Variants in PARS2 observed in about 807,000 individuals in gnomAD.
The protein encoded by PARS2 is prolyl-tRNA synthetase 2, mitochondrial.
A neutral mutation model predicts 27.4 loss-of-function variants in PARS2; 20 were observed. That is an observed-to-expected ratio of 0.73 (90% CI 0.51 to 1.06). The LOEUF is 1.06. Ranked by LOEUF, PARS2 falls within the 50% of genes least tolerant of loss-of-function variation. The probability of loss-of-function intolerance (pLI) is 0.00; values close to 1 mark genes in which losing one functional copy is unlikely to be tolerated. For synonymous variants in PARS2, 240 were observed against 247.1 expected (o/e 0.97, Z 0.27); for missense variants, 585 against 602.1 (o/e 0.97, Z 0.30).
rs755481572 is a variant in PARS2 at position 54,757,595 on chromosome 1, T to C, written c.*139A>G. On this transcript the variant is annotated 3_prime_UTR_variant, in exon 2 of 2. Coordinates refer to ENST00000371279, the MANE Select transcript of PARS2 (RefSeq NM_152268.4). ...ATCTGAACAAATGACTAGATAAAAA[T>C]TGATTTCCCTAACATGATCTCACCC... The C allele has an allele frequency of 5.1e-6, 3 of 593,120 alleles. No homozygotes were observed. Among genetic ancestry groups the C allele is most frequent in the African/African-American group, 1.9e-5 (1 of 53,762 alleles). 36.7% of individuals were successfully genotyped at this position (593,120 alleles called of 1,614,324 possible). A position where few individuals can be genotyped will look rare whatever the true frequency, so the allele number is the denominator to read the frequency against.
intron 1 of PARS2, among the ~76,000 whole-genome samples, chr1:54,764,154 C>T (rs1646172652): frequency 6.6e-6 from 1 of 152,214 alleles, no homozygotes; most frequent in Admixed American, 6.5e-5. Context: ...CAACATAAAA[C>T]GGGAAGGCTG....
chr1:54,757,522 T>C lies in PARS2; in HGVS notation c.*212A>G, dbSNP rs1422800559. 9.6e-6 allele frequency: 5 copies of C among 521,236 alleles called. No individual in the cohort carries two copies. Among genetic ancestry groups the C allele is most frequent in the Non-Finnish European group, 1.7e-5 (5 of 295,154 alleles). 32.3% of individuals were successfully genotyped at this position (521,236 alleles called of 1,614,324 possible). A position where few individuals can be genotyped will look rare whatever the true frequency, so the allele number is the denominator to read the frequency against. ...ACAAAAGGAAAGGTATATGGCGGCA[T>C]GGCCAGTCTGGAGAAAGGGATCAAG... On this transcript the variant is annotated 3_prime_UTR_variant, in exon 2 of 2. Transcript: ENST00000371279.
rs1402968657 is a variant in PARS2, at chr1:54,758,273, C to T, written c.889G>A (p.Gly297Ser). The T allele has an allele frequency of 6.2e-7, 1 of 1,614,162 alleles. No individual in the cohort carries two copies. Among genetic ancestry groups the T allele is most frequent in the Non-Finnish European group, 8.5e-7 (1 of 1,180,044 alleles). Residue 297 changes from glycine (G) to serine (S), a missense_variant, in exon 2 of 2, where the codon GGC becomes AGC. Gly to Ser is a moderately conservative substitution (Grantham distance 56). Coordinates refer to ENST00000371279, the MANE Select transcript of PARS2 (RefSeq NM_152268.4). Reference sequence around the variant, plus strand: ...ATGCCTTTGGTTTTAGTCAATGGGCCCTGGCAAGCAGGGCAGTTCATTTGT... The same window carrying T: ...ATGCCTTTGGTTTTAGTCAATGGGCTCTGGCAAGCAGGGCAGTTCATTTGT... ...LSQMNCPACQ[G>S]PLTKTKGIEV... is the part of the protein sequence containing the mutation.
chr1:54,761,727 C>A (rs1341586845), intron 1 of PARS2, among the ~76,000 whole-genome samples: 1 of 152,186 alleles, frequency 6.6e-6, no homozygotes, highest in Non-Finnish European at 1.5e-5. Context: ...CAGCTGGTTA[C>A]CTCTAGCAGC....
rs754963725 is a variant in PARS2 at position 54,758,817 on chromosome 1, C to T, written c.345G>A (p.Gln115=). 1.2e-5 allele frequency: 20 copies of T among 1,614,070 alleles called. No individual in the cohort carries two copies. Among genetic ancestry groups the T allele is most frequent in the Non-Finnish European group, 1.7e-5 (20 of 1,180,014 alleles). The part of the protein sequence containing the change: ...IDQEMQAIGG[Q]KVNMPSLSPA... Reference sequence around the variant, plus strand: ...GGCTGAGGCTGGGCATGTTGACTTTCTGGCCCCCGATGGCCTGCATCTCCT... The same window carrying T: ...GGCTGAGGCTGGGCATGTTGACTTTTTGGCCCCCGATGGCCTGCATCTCCT... Residue 115 remains glutamine (Q), a synonymous_variant, in exon 2 of 2, where the codon CAG becomes CAA. Transcript: ENST00000371279.
In PARS2 at chr1:54,758,712, C is replaced by A; in HGVS notation, c.450G>T (p.Lys150Asn). The A allele has an allele frequency of 6.2e-7, 1 of 1,614,188 alleles. No homozygotes were observed. Among genetic ancestry groups the A allele is most frequent in the East Asian group, 2.2e-5 (1 of 44,874 alleles). Residue 150 changes from lysine (K) to asparagine (N), a missense_variant, in exon 2 of 2, where the codon AAG becomes AAT. Lys to Asn is a moderately conservative substitution (Grantham distance 94). Transcript: ENST00000371279. ...CGTGAGTTGGTCCTAAGCAGTATTC[C>A]TTGCCATGCCTGTCTCTAAGTCTTA... Reference protein sequence around the residue: ...ELLRLRDRHGKEYCLGPTHEE... With the variant: ...ELLRLRDRHGNEYCLGPTHEE...
Position 54,758,381 on chromosome 1 carries a change from G to C in PARS2, c.781C>G (p.Leu261Val). 1.2e-6 allele frequency: 2 copies of C among 1,614,198 alleles called. No individual in the cohort carries two copies. Among genetic ancestry groups the C allele is most frequent in the Middle Eastern group, 1.6e-4 (1 of 6,062 alleles). ...IGGTVSHEFQ[L>V]PVDIGEDRLA... Reference sequence around the variant, plus strand: ...CGGTCCTCTCCAATATCCACTGGGAGCTGGAACTCATGAGACACTGTGCCC... The same window carrying C: ...CGGTCCTCTCCAATATCCACTGGGACCTGGAACTCATGAGACACTGTGCCC... Residue 261 changes from leucine to valine, a missense_variant, in exon 2 of 2, where the codon CTC becomes GTC. Transcript: ENST00000371279.
At chr1:54,764,181 G>C (rs974221361) in intron 1 of PARS2, among the ~76,000 whole-genome samples, 1 of 152,212 alleles carries the variant, frequency 6.6e-6, no homozygotes, top group Non-Finnish European at 1.5e-5. Flanking sequence ...GCAGCAGGTG[G>C]TCCCAGGGCC....
Position 54,758,213 on chromosome 1 carries a change from A to T in PARS2, c.949T>A (p.Tyr317Asn). ...VGHTFYLGTK[Y>N]SSIFNAQFTN... ...AACTGGGCATTGAAAATGGATGAGT[A>T]CTTGGTACCCAGGTAAAATGTGTGC... Residue 317 changes from tyrosine (Y) to asparagine (N), a missense_variant, in exon 2 of 2, where the codon TAC (tyrosine) becomes AAC (asparagine). Coordinates refer to ENST00000371279, the MANE Select transcript of PARS2 (RefSeq NM_152268.4). The T allele has an allele frequency of 6.2e-7, 1 of 1,614,242 alleles. No homozygotes were observed. The highest frequency in any genetic ancestry group is 8.5e-7 in the Non-Finnish European group (1 of 1,180,040).
rs78750383 is a variant in PARS2 at position 54,759,693 on chromosome 1, G to T, written c.-29-503C>A. On this transcript the variant is annotated intron_variant, in intron 1 of 1. Transcript: ENST00000371279. ...TGCTATTATTATTATAGAAAACTAG[G>T]GGGGAAATCTGAAAACAAAAAAGAA... 9.5e-3 allele frequency among the ~76,000 whole-genome samples: 1,442 copies of T among 152,244 alleles called. 25 individuals carry two copies. Among genetic ancestry groups the T allele is most frequent in the African/African-American group, 0.032 (1,340 of 41,548 alleles).
intron 1 of PARS2, among the ~76,000 whole-genome samples, chr1:54,761,081 T>C (rs748009614): frequency 6.6e-6 from 1 of 152,148 alleles, no homozygotes; most frequent in Non-Finnish European, 1.5e-5. Context: ...CCCGGCCCCA[T>C]GCCCATTCTT....
In PARS2 at chr1:54,757,855, G is replaced by A. The variant is rs1433399133; in HGVS notation, c.1307C>T (p.Ala436Val). 1.2e-6 allele frequency: 2 copies of A among 1,614,216 alleles called. No individual in the cohort carries two copies. Among genetic ancestry groups the A allele is most frequent in the Non-Finnish European group, 1.7e-6 (2 of 1,180,026 alleles). Residue 436 changes from alanine to valine, a missense_variant, in exon 2 of 2, where the codon GCT becomes GTT. Transcript: ENST00000371279. ...AGGGTCCTCCAGGGCCCTCTTGCCA[G>A]CGATTATCACAAAGGGGTAGCCAAA... ...NKFGYPFVII[A>V]GKRALEDPAH...
rs764146242 is a variant in PARS2 at position 54,759,093 on chromosome 1, C to T, written c.69G>A (p.Gly23=). The part of the protein sequence containing the change: ...ALATCSRQLS[G]YVPCRFHHCA... ...AGTGGTGAAACCTGCAAGGAACATACCCAGAGAGCTGGCGGCTGCAGGTGG... is the reference window on the plus strand; with the variant it reads ...AGTGGTGAAACCTGCAAGGAACATATCCAGAGAGCTGGCGGCTGCAGGTGG... The change falls in exon 2 of 2, where the codon GGG becomes GGA. Residue 23 remains glycine, a synonymous_variant. Coordinates refer to ENST00000371279, the MANE Select transcript of PARS2 (RefSeq NM_152268.4). 9 of 1,613,326 alleles carry T rather than the reference C, an allele frequency of 5.6e-6. No individual in the cohort carries two copies. In the East Asian group the frequency reaches 1.6e-4, roughly 28 times the overall value.
chr1:54,763,118 C>A lies in PARS2; in HGVS notation c.-30+1343G>T, dbSNP rs970560816. Reference sequence around the variant, plus strand: ...ATTCTTGAAACAGACTGACCTCCCCCCAACCCCCAGCAATTCCAACTGGAA... The same window carrying A: ...ATTCTTGAAACAGACTGACCTCCCCACAACCCCCAGCAATTCCAACTGGAA... On this transcript the variant is annotated intron_variant, in intron 1 of 1. Transcript: ENST00000371279. Among the ~76,000 whole-genome samples, 10 of 152,178 alleles carry A rather than the reference C, an allele frequency of 6.6e-5. No homozygotes were observed. The East Asian group carries it at 1.9e-3, about 29-fold the overall frequency.
chr1:54,757,773 A>G lies in PARS2; in HGVS notation c.1389T>C (p.Asp463=), dbSNP rs1294534289. Residue 463 remains aspartate (D), a synonymous_variant, in exon 2 of 2, where the codon GAT becomes GAC. Coordinates refer to ENST00000371279, the MANE Select transcript of PARS2 (RefSeq NM_152268.4). ...CTGGGGTCAGTAAATCCATGACTCCATCTTTGGTGAGGAAGGCCACCTCAC... is the reference window on the plus strand; with the variant it reads ...CTGGGGTCAGTAAATCCATGACTCCGTCTTTGGTGAGGAAGGCCACCTCAC... ...NTGEVAFLTK[D]GVMDLLTPVQ... The G allele has an allele frequency of 1.2e-6, 2 of 1,613,726 alleles. No homozygotes were observed. The highest frequency in any genetic ancestry group is 1.7e-5 in the Admixed American group (1 of 59,978).
In PARS2 at chr1:54,758,040, G is replaced by A. The variant is rs772256721; in HGVS notation, c.1122C>T (p.Leu374=). 6 of 1,614,066 alleles carry A rather than the reference G, an allele frequency of 3.7e-6. No homozygotes were observed. Among genetic ancestry groups the A allele is most frequent in the South Asian group, 3.3e-5 (3 of 91,062 alleles). ...PSLLAPYQAC[L]IPPKKGSKEQ... is the part of the protein sequence containing the mutation. ...CCTTACTGCCCTTCTTAGGGGGGAT[G>A]AGGCAGGCTTGGTAAGGGGCCAGTA... The change falls in exon 2 of 2, where the codon CTC becomes CTT. Residue 374 remains leucine (L), a synonymous_variant. Transcript: ENST00000371279.
In PARS2 at chr1:54,759,046, C is replaced by T. The variant is rs879231179; in HGVS notation, c.116G>A (p.Arg39His). 13 of 1,613,948 alleles carry T rather than the reference C, an allele frequency of 8.1e-6. No homozygotes were observed. Among genetic ancestry groups the T allele is most frequent in the Middle Eastern group, 1.6e-4 (1 of 6,084 alleles). ...FHHCAPRRGR[R>H]LLLSRVFQPQ... Reference sequence around the variant, plus strand: ...CTGGAACACACGAGACAGCAGCAGGCGCCGCCCTCTTCTTGGGGCACAGTG... The same window carrying T: ...CTGGAACACACGAGACAGCAGCAGGTGCCGCCCTCTTCTTGGGGCACAGTG... Residue 39 changes from arginine to histidine, a missense_variant, in exon 2 of 2, where the codon CGC (arginine) becomes CAC (histidine). Physicochemically the swap from Arg to His is conservative, Grantham distance 29 (BLOSUM62 0). Coordinates refer to ENST00000371279, the MANE Select transcript of PARS2 (RefSeq NM_152268.4).
intron 1 of PARS2, 92 bp from the exon 2 acceptor site, chr1:54,759,282 G>T: frequency 1.5e-6 from 1 of 687,014 alleles, no homozygotes; most frequent in Non-Finnish European, 2.4e-6. Context: ...AAACTTCGAA[G>T]GCAGCCACTG....
In PARS2 at chr1:54,759,153, C is replaced by T; in HGVS notation, c.9G>A (p.Gly3=). Reference sequence around the variant, plus strand: ...GCAATGCTCTGCATCTTGTCAGCAGCCCTTCCATGACACCCTGGCACCGGG... The same window carrying T: ...GCAATGCTCTGCATCTTGTCAGCAGTCCTTCCATGACACCCTGGCACCGGG... ME[G]LLTRCRALPA... is the part of the protein sequence containing the mutation. Residue 3 remains glycine (G), a synonymous_variant, in exon 2 of 2, where the codon GGG becomes GGA. Transcript: ENST00000371279. 1 of 1,586,220 alleles carries T rather than the reference C, an allele frequency of 6.3e-7. No homozygotes were observed. Among genetic ancestry groups the T allele is most frequent in the Non-Finnish European group, 8.6e-7 (1 of 1,161,564 alleles).
Sources: gnomAD v4.1 joint callset for allele counts (sites outside exome capture counted in the v4.1 genomes callset) on GRCh38, gnomAD v4.1.1 for gene constraint, MANE v1.5 for transcripts, NCBI Gene and HGNC (gene_info 2026-07-23, HGNC 2026-07-21) for gene names.